HEMK2: variants seen among roughly 807,000 people sequenced by gnomAD.
HEMK2 encodes the protein methyltransferase HEMK2.
chr21:28,683,870 T>C, the HEMK2 span, among the ~76,000 whole-genome samples: 1 of 152,220 alleles, frequency 6.6e-6, no homozygotes, highest in Non-Finnish European at 1.5e-5. Flanking sequence ...AAGCTAACTT[T>C]CATAATCACT....
chr21:28,696,028 C>A, the HEMK2 span, among the ~76,000 whole-genome samples: 3 of 152,074 alleles, frequency 2.0e-5, no homozygotes, highest in South Asian at 6.3e-4. Flanking sequence ...GCTGAGGAGG[C>A]CCCACAATCA....
At chr21:28,832,419 GT>G in the HEMK2 span, among the ~76,000 whole-genome samples, 1 of 152,262 alleles carries the variant, frequency 6.6e-6, no homozygotes, top group East Asian at 1.9e-4. Context: ...TACCATTGAT[GT>G]AAATAATTAG....
the HEMK2 span, among the ~76,000 whole-genome samples, chr21:28,668,670 T>C: frequency 6.6e-6 from 1 of 152,132 alleles, no homozygotes; most frequent in Non-Finnish European, 1.5e-5. Flanking sequence ...TGCTGAACAA[T>C]AATACAATCA....
chr21:28,578,630 T>C, the HEMK2 span, among the ~76,000 whole-genome samples: 3 of 152,146 alleles, frequency 2.0e-5, no homozygotes, highest in Non-Finnish European at 2.9e-5. Context: ...ATTGGCTCAT[T>C]TGAATTATCA....
At chr21:28,838,389 CCGGG>C in the HEMK2 span, among the ~76,000 whole-genome samples, 2 of 149,880 alleles carry the variant, frequency 1.3e-5, no homozygotes, top group African/African-American at 5.0e-5. Flanking sequence ...AAAAAATTAG[CCGGG>C]CATGGTGGCA....
chr21:28,643,994 C>T, the HEMK2 span, among the ~76,000 whole-genome samples: 7 of 152,270 alleles, frequency 4.6e-5, no homozygotes, highest in Admixed American at 6.5e-5. Flanking sequence ...GGCCAAGACT[C>T]GAAGTTGTGT....
At chr21:28,642,733 C>G in the HEMK2 span, among the ~76,000 whole-genome samples, 2 of 152,240 alleles carry the variant, frequency 1.3e-5, no homozygotes, top group Admixed American at 6.5e-5. Context: ...CCAGGGCCCT[C>G]TCTGAAGCCG....
At chr21:28,658,599 G>GTAACTAAAATGTGACTAAAA in the HEMK2 span, among the ~76,000 whole-genome samples, 32 of 152,016 alleles carry the variant, frequency 2.1e-4, no homozygotes, top group Non-Finnish European at 3.5e-4. Context: ...AAAAACAAAT[G>GTAACTAAAATGTGACTAAAA]ACATGTAAAC....
the HEMK2 span, among the ~76,000 whole-genome samples, chr21:28,710,555 T>C: frequency 5.3e-5 from 8 of 152,186 alleles, no homozygotes; most frequent in Admixed American, 5.2e-4. Flanking sequence ...TCAGGCACCA[T>C]GACAGCATTT....
the HEMK2 span, among the ~76,000 whole-genome samples, chr21:28,776,067 G>C: frequency 6.6e-6 from 1 of 152,102 alleles, no homozygotes; most frequent in Non-Finnish European, 1.5e-5. Context: ...AACCCCTTAA[G>C]TTCTTAAAGG....
chr21:28,731,896 G>A, the HEMK2 span, among the ~76,000 whole-genome samples: 2,172 of 152,312 alleles, frequency 0.014, 51 homozygotes, highest in African/African-American at 0.05. Flanking sequence ...CACAGCCTGT[G>A]CCTGCAGCCA....
chr21:28,609,615 G>A, the HEMK2 span, among the ~76,000 whole-genome samples: 2 of 144,444 alleles, frequency 1.4e-5, no homozygotes, highest in African/African-American at 5.1e-5. Flanking sequence ...GCCAATCAAG[G>A]AGGCACCAGA....
the HEMK2 span, among the ~76,000 whole-genome samples, chr21:28,713,706 C>CT: frequency 6.6e-6 from 1 of 152,164 alleles, no homozygotes; most frequent in South Asian, 2.1e-4. Flanking sequence ...TGCGCTTTTC[C>CT]TTTTCTGTCT....
At chr21:28,610,419 C>T in the HEMK2 span, among the ~76,000 whole-genome samples, 15 of 151,960 alleles carry the variant, frequency 9.9e-5, no homozygotes, top group South Asian at 4.1e-4. Flanking sequence ...AATCTTCAAA[C>T]GAATCCTTGA....
At chr21:28,613,976 T>C in the HEMK2 span, among the ~76,000 whole-genome samples, 3 of 152,174 alleles carry the variant, frequency 2.0e-5, no homozygotes, top group Non-Finnish European at 4.4e-5. Context: ...CTATGTTTTC[T>C]TCACTGTGGG....
chr21:28,736,148 A>T, the HEMK2 span, among the ~76,000 whole-genome samples: 2 of 152,100 alleles, frequency 1.3e-5, no homozygotes. Context: ...TATGAGACTT[A>T]AAAAATCCAG....
chr21:28,876,298 A>G, the HEMK2 span: 1 of 875,770 alleles, frequency 1.1e-6, no homozygotes, highest in Non-Finnish European at 1.7e-6. Flanking sequence ...ATTTCTGATA[A>G]AATTCCTTGT....
the HEMK2 span, among the ~76,000 whole-genome samples, chr21:28,743,824 T>C: frequency 0.23 from 34,795 of 152,070 alleles, 4,622 homozygotes; most frequent in African/African-American, 0.35. Flanking sequence ...GCTACAAGGG[T>C]TGCTGTGGGT....
chr21:28,645,181 T>C, the HEMK2 span, among the ~76,000 whole-genome samples: 1 of 152,204 alleles, frequency 6.6e-6, no homozygotes, highest in African/African-American at 2.4e-5. Flanking sequence ...TTCTCCATGC[T>C]GCACTGCACT....
Sources: gnomAD v4.1 joint callset for allele counts (sites outside exome capture counted in the v4.1 genomes callset) on GRCh38, gnomAD v4.1.1 for gene constraint, MANE v1.5 for transcripts, NCBI Gene and HGNC (gene_info 2026-07-23, HGNC 2026-07-21) for gene names.